Variants in PAN2 observed in about 807,000 individuals in gnomAD.
The protein encoded by PAN2 is poly(A) specific ribonuclease subunit PAN2.
PAN2 carries 68 observed loss-of-function variants against 133.3 expected under a neutral mutation model. The ratio of observed to expected loss-of-function variants is 0.51; its 90% CI spans 0.42 to 0.62. The LOEUF (loss-of-function observed/expected upper bound fraction) is 0.62. Among genes scored for constraint, PAN2 ranks in the 20% least tolerant of loss-of-function variants. The probability of loss-of-function intolerance (pLI) is 0.00; values close to 1 mark genes in which losing one functional copy is unlikely to be tolerated. For synonymous variants in PAN2, 462 were observed against 544.6 expected, an observed-to-expected ratio of 0.85 and a Z score of 2.11; for missense variants, 1,042 against 1,500.5, an observed-to-expected ratio of 0.69 and a Z score of 5.05.
At position 56,327,471 on chromosome 12, in the gene PAN2, T is replaced by C; in HGVS notation, c.812A>G (p.Asp271Gly). The change falls in exon 6 of 26, where the codon GAT (aspartate) becomes GGT (glycine). Residue 271 changes from aspartate (D) to glycine (G), a missense_variant. Around this residue, in one of 3 missense-constraint regions of PAN2, gnomAD observed 908 missense variants for 1,223.5 expected, o/e 0.74. Transcript: ENST00000440411. ...LACDRFLKVY[D>G]LRMMRAITPL... is the part of the protein sequence containing the mutation. ...TGTGATGGCACGCATCATGCGCAAATCATACACCTTGAGGAAACGGTCGCA... is the reference window on the plus strand; with the variant it reads ...TGTGATGGCACGCATCATGCGCAAACCATACACCTTGAGGAAACGGTCGCA... 2 of 1,614,108 alleles carry C rather than the reference T, an allele frequency of 1.2e-6. No individual in the cohort carries two copies. Among genetic ancestry groups the C allele is most frequent in the Non-Finnish European group, 1.7e-6 (2 of 1,180,032 alleles).
Position 56,319,601 on chromosome 12 carries a change from G to C in PAN2, c.3090+20C>G. The stretch of plus-strand genomic sequence containing the variant: ...GTAAGCACCAGGGTGTGCCTCACTT[G>C]CATCTCCATATCCTAATACCTGCTC... On this transcript the variant is annotated intron_variant, in intron 22 of 25. Transcript: ENST00000440411. This position sits in a 1 kb window ranked among gnomAD's most constrained non-coding sequence, Gnocchi z 5.4. 1.3e-6 allele frequency: 2 copies of C among 1,596,992 alleles called. No individual in the cohort carries two copies. The highest frequency in any genetic ancestry group is 1.7e-6 in the Non-Finnish European group (2 of 1,171,686).
Position 56,323,897 on chromosome 12 carries a change from G to A in PAN2, c.2082C>T (p.Asn694=). Residue 694 remains asparagine (N), a synonymous_variant, in exon 14 of 26, where the codon AAC becomes AAT. Coordinates refer to ENST00000440411, the MANE Select transcript of PAN2 (RefSeq NM_014871.6). The part of the protein sequence containing the change: ...LSYPDDKTGK[N]YDFAQVLKRS... The stretch of plus-strand genomic sequence containing the variant: ...GCTTCAGCACCTGAGCAAAGTCATA[G>A]TTCTTCCCAGTTTTATCTGAGGGAA... 1 of 1,613,902 alleles carries A rather than the reference G, an allele frequency of 6.2e-7. No individual in the cohort carries two copies. The highest frequency in any genetic ancestry group is 8.5e-7 in the Non-Finnish European group (1 of 1,179,714).
chr12:56,332,706 CACT>C (rs2136008071), intron 2 of PAN2, 104 bp downstream of exon 2: 2 of 1,094,400 alleles, frequency 1.8e-6, no homozygotes, highest in Admixed American at 3.9e-5. Flanking sequence ...GCTGTCTCAT[CACT>C]ACAACTCCTC....
Position 56,324,383 on chromosome 12 carries a change from A to C in PAN2, c.1839T>G (p.Ile613Met). 6.2e-7 allele frequency: 1 copy of C among 1,614,174 alleles called. No homozygotes were observed. Among genetic ancestry groups the C allele is most frequent in the Non-Finnish European group, 8.5e-7 (1 of 1,180,030 alleles). ...TGAGAATGAAGCGATTCCACCTCTG[A>C]ATGAGCCTGGCCAGATTGCCCTTGC... ...ASGKGNLARL[I>M]QRWNRFILTQ... is the part of the protein sequence containing the mutation. The change falls in exon 12 of 26, where the codon ATT becomes ATG. Residue 613 changes from isoleucine (I) to methionine (M), a missense_variant. Physicochemically the swap from Ile to Met is conservative, Grantham distance 10 (BLOSUM62 1). Coordinates refer to ENST00000440411, the MANE Select transcript of PAN2 (RefSeq NM_014871.6).
intron 2 of PAN2, 131 bp from the exon 3 acceptor site, chr12:56,328,772 G>A (rs1273009680): frequency 3.2e-6 from 2 of 634,202 alleles, no homozygotes; most frequent in Non-Finnish European, 5.5e-6. Flanking sequence ...GAGCAACTGG[G>A]GCAAAAGGCT....
At chr12:56,332,030 T>C (rs960831055) in intron 2 of PAN2, among the ~76,000 whole-genome samples, 1 of 152,120 alleles carries the variant, frequency 6.6e-6, no homozygotes, top group Non-Finnish European at 1.5e-5. Context: ...ACAGTATTTC[T>C]TACAAAGTCT....
At chr12:56,329,251 T>C (rs1875468156) in intron 2 of PAN2, among the ~76,000 whole-genome samples, 2 of 152,212 alleles carry the variant, frequency 1.3e-5, no homozygotes, top group Admixed American at 6.5e-5. Context: ...ATCTACCTAG[T>C]TGACCAAGCC....
In PAN2 at chr12:56,328,616, G is replaced by A; in HGVS notation, c.308C>T (p.Pro103Leu). 1.2e-6 allele frequency: 2 copies of A among 1,613,954 alleles called. No individual in the cohort carries two copies. Among genetic ancestry groups the A allele is most frequent in the South Asian group, 1.1e-5 (1 of 91,054 alleles). The change falls in exon 3 of 26, where the codon CCA becomes CTA. Residue 103 changes from proline to leucine, a missense_variant. Pro to Leu is a moderately conservative substitution (Grantham distance 98, BLOSUM62 -3). Transcript: ENST00000440411. ...HGGHATSFFG[P>L]ALERYSSFQV... The stretch of plus-strand genomic sequence containing the variant: ...AAAGGATGAGTAGCGCTCCAAGGCT[G>A]GGCCAAAAAATGAAGTGGCATGGCC...
intron 25 of PAN2, 23 bp downstream of exon 25, chr12:56,318,214 C>T (rs1874126512): frequency 3.1e-6 from 5 of 1,597,822 alleles, no homozygotes; most frequent in African/African-American, 1.3e-5. Flanking sequence ...GTCCAGTTTC[C>T]CTTGTCCCAT....
Position 56,322,633 on chromosome 12 carries a change from G to A in PAN2, c.2619C>T (p.Thr873=), listed in dbSNP as rs772776540. 1.2e-6 allele frequency: 2 copies of A among 1,614,180 alleles called. No homozygotes were observed. Among genetic ancestry groups the A allele is most frequent in the Non-Finnish European group, 1.7e-6 (2 of 1,180,040 alleles). Residue 873 remains threonine, a synonymous_variant, in exon 18 of 26, where the codon ACC becomes ACT. Transcript: ENST00000440411. ...CACTCACCTCCTTGCGCTGGTGGTA[G>A]GTCTCTCCAACTTTGATGTGAGCCA... The part of the protein sequence containing the change: ...SLVAHIKVGE[T]YHQRKEGVTH...
At chr12:56,320,821 T>C (rs1874420715) in intron 20 of PAN2, among the ~76,000 whole-genome samples, 1 of 150,184 alleles carries the variant, frequency 6.7e-6, no homozygotes. Context: ...ACCCAGCACT[T>C]TGGAAGGCCA....
intron 20 of PAN2, among the ~76,000 whole-genome samples, chr12:56,321,544 TA>T (rs11300464): frequency 0.8 from 111,209 of 138,842 alleles, 47,288 homozygotes; most frequent in South Asian, 0.98. Context: ...CTAGGCTAAT[TA>T]AAAAAAAAAA....
chr12:56,327,285 T>A, intron 6 of PAN2, 79 bp downstream of exon 6: 2 of 1,481,654 alleles, frequency 1.3e-6, no homozygotes, highest in Admixed American at 3.5e-5. Context: ...CAAAGAGGTT[T>A]CAGGATGAGT....
In PAN2 at chr12:56,325,451, G is replaced by A. The variant is rs1320734360; in HGVS notation, c.1363C>T (p.Pro455Ser). The change falls in exon 9 of 26, where the codon CCC (proline) becomes TCC (serine). Residue 455 changes from proline (P) to serine (S), a missense_variant. Physicochemically the swap from Pro to Ser is moderately conservative, Grantham distance 74. This residue lies in a region of PAN2 where 908 missense variants were observed against 1,223.5 expected (regional missense o/e 0.74). Transcript: ENST00000440411. ...CTGTCTGACTCCTTGAGTCTGTAGG[G>A]TATCTAGGGATTTTAGGAAGAGGTA... ...NPRTRLRNQI[P>S]YRLKESDSEF... 1.2e-6 allele frequency: 2 copies of A among 1,614,006 alleles called. No homozygotes were observed. Among genetic ancestry groups the A allele is most frequent in the Non-Finnish European group, 1.7e-6 (2 of 1,179,916 alleles).
intron 5 of PAN2, 116 bp downstream of exon 5, chr12:56,327,878 TC>T: frequency 6.6e-7 from 1 of 1,505,700 alleles, no homozygotes; most frequent in Non-Finnish European, 8.9e-7. Flanking sequence ...GTGAATTCAC[TC>T]CACTCATCCC....
rs953248971 is a variant in PAN2, at chr12:56,325,534, C to G, written c.1360-80G>C. The stretch of plus-strand genomic sequence containing the variant: ...ACACTCATTTATCCCAACATTGAAA[C>G]AGCCACCAAGTCCTGAACCTTCTAT... On this transcript the variant is annotated intron_variant, in intron 8 of 25. Coordinates refer to ENST00000440411, the MANE Select transcript of PAN2 (RefSeq NM_014871.6). 12 of 1,510,500 alleles carry G rather than the reference C, an allele frequency of 7.9e-6. No individual in the cohort carries two copies. In the African/African-American group the frequency reaches 1.7e-4, roughly 21 times the overall value. 93.6% of individuals were successfully genotyped at this position (1,510,500 alleles called of 1,614,324 possible).
At chr12:56,322,016 G>T in intron 20 of PAN2, 62 bp downstream of exon 20, 1 of 838,442 alleles carries the variant, frequency 1.2e-6, no homozygotes, top group Non-Finnish European at 2.0e-6. Context: ...CAATGTCCCA[G>T]ATCTCACCCT....
chr12:56,332,728 C>CT, intron 2 of PAN2, 85 bp downstream of exon 2: 1 of 1,380,154 alleles, frequency 7.2e-7, no homozygotes, highest in Non-Finnish European at 1.0e-6. Context: ...TCGGTACTGG[C>CT]TATCTGCAAA....
rs145100205 is a variant in PAN2 at position 56,319,910 on chromosome 12, A to G, written c.2900T>C (p.Ile967Thr). 362 of 1,614,088 alleles carry G rather than the reference A, an allele frequency of 2.2e-4. No individual in the cohort carries two copies. Among genetic ancestry groups the G allele is most frequent in the African/African-American group, 1.9e-4 (14 of 74,920 alleles). The change falls in exon 21 of 26, where the codon ATT (isoleucine) becomes ACT (threonine). Residue 967 changes from isoleucine (I) to threonine (T), a missense_variant. Physicochemically the swap from Ile to Thr is moderately conservative, Grantham distance 89. Transcript: ENST00000440411. The surrounding 1 kb of genome is among the most constrained non-coding windows in gnomAD (Gnocchi z 5.4). ...AGCATCCAGACCCACCAGGTCCCCAATCTGTGGCATCTCATTCAGCATCAG... is the reference window on the plus strand; with the variant it reads ...AGCATCCAGACCCACCAGGTCCCCAGTCTGTGGCATCTCATTCAGCATCAG... ...IPLMLNEMPQ[I>T]GDLVGLDAEF...
Sources: allele counts gnomAD v4.1 joint callset (sites outside exome capture counted in the v4.1 genomes callset), GRCh38; gene constraint gnomAD v4.1.1; regional missense constraint gnomAD v4.1.1; non-coding constraint Gnocchi (gnomAD v3.1); transcripts MANE v1.5; gene names NCBI Gene and HGNC (gene_info 2026-07-23, HGNC 2026-07-21).